Variants in SPOCK3 observed in about 807,000 individuals in gnomAD.
SPOCK3 encodes the protein SPARC (osteonectin), cwcv and kazal like domains proteoglycan 3.
A neutral mutation model predicts 56.6 loss-of-function variants in SPOCK3; 30 were observed. The observed-to-expected ratio is 0.53, with a 90% CI of 0.40 to 0.72. The LOEUF is 0.72. Ranked by LOEUF, SPOCK3 falls within the 30% of genes least tolerant of loss-of-function variation. The pLI is 0.00. For synonymous variants in SPOCK3, 196 were observed against 183.3 expected, an observed-to-expected ratio of 1.07 and a Z score of -0.56; for missense variants, 527 against 530.0, an observed-to-expected ratio of 0.99 and a Z score of 0.06.
At chr4:166,820,438 A>G (rs1273759767) in intron 6 of SPOCK3, among the ~76,000 whole-genome samples, 1 of 152,128 alleles carries the variant, frequency 6.6e-6, no homozygotes, top group Non-Finnish European at 1.5e-5. Flanking sequence ...GACAGTCTTG[A>G]TATAAATCCT....
At chr4:166,786,867 G>A (rs1021453100) in intron 7 of SPOCK3, among the ~76,000 whole-genome samples, 1 of 151,976 alleles carries the variant, frequency 6.6e-6, no homozygotes, top group Non-Finnish European at 1.5e-5. Context: ...GAAAAATCAC[G>A]TATCTAAGAC....
intron 3 of SPOCK3, among the ~76,000 whole-genome samples, chr4:167,037,868 T>C (rs1162899224): frequency 2.6e-5 from 4 of 152,248 alleles, no homozygotes; most frequent in Non-Finnish European, 4.4e-5. Flanking sequence ...AGTACATGTC[T>C]AGCTTTTGAG....
intron 4 of SPOCK3, among the ~76,000 whole-genome samples, chr4:166,953,045 A>T (rs373370300): frequency 2.0e-5 from 3 of 150,604 alleles, no homozygotes; most frequent in East Asian, 2.0e-4. Flanking sequence ...ATGTCTAAAA[A>T]ACCAAAAGCA....
intron 4 of SPOCK3, among the ~76,000 whole-genome samples, chr4:166,941,382 A>G (rs1579728311): frequency 6.6e-6 from 1 of 152,238 alleles, no homozygotes; most frequent in East Asian, 1.9e-4. Flanking sequence ...CCATTAGAAG[A>G]GAGTTTATCT....
At chr4:167,023,928 C>T (rs1751443138) in intron 3 of SPOCK3, among the ~76,000 whole-genome samples, 1 of 152,014 alleles carries the variant, frequency 6.6e-6, no homozygotes, top group Non-Finnish European at 1.5e-5. Flanking sequence ...CCTCCTTGCC[C>T]TCTACAAAGT....
intron 5 of SPOCK3, 25 bp from the exon 6 acceptor site, chr4:166,889,269 T>G (rs766303948): frequency 7.3e-7 from 1 of 1,372,570 alleles, no homozygotes; most frequent in South Asian, 1.2e-5. Flanking sequence ...AAAAAAAAAG[T>G]AATTCAAATG....
chr4:167,130,360 T>C (rs919383376), intron 2 of SPOCK3, among the ~76,000 whole-genome samples: 1 of 152,086 alleles, frequency 6.6e-6, no homozygotes, highest in Non-Finnish European at 1.5e-5. Flanking sequence ...AGTTTTTTTA[T>C]TTACTGGAAA....
intron 6 of SPOCK3, among the ~76,000 whole-genome samples, chr4:166,807,913 G>A (rs978484465): frequency 6.6e-6 from 1 of 151,960 alleles, no homozygotes; most frequent in African/African-American, 2.4e-5. Flanking sequence ...TACTAGTTTT[G>A]ATAGCATGTC....
chr4:166,792,376 G>A, intron 6 of SPOCK3, 87 bp from the exon 7 acceptor site: 4 of 1,411,756 alleles, frequency 2.8e-6, no homozygotes, highest in South Asian at 1.3e-5. Flanking sequence ...TAAACTGAAA[G>A]GTAAGAACGA....
At chr4:167,212,927 CA>C (rs1735020079) in intron 2 of SPOCK3, among the ~76,000 whole-genome samples, 1 of 152,114 alleles carries the variant, frequency 6.6e-6, no homozygotes, top group Non-Finnish European at 1.5e-5. Flanking sequence ...TGACAAAATA[CA>C]AAACAAATGA....
intron 7 of SPOCK3, among the ~76,000 whole-genome samples, chr4:166,778,895 GA>G (rs574664049): frequency 6.6e-6 from 1 of 151,934 alleles, no homozygotes; most frequent in Non-Finnish European, 1.5e-5. Context: ...AACACTGGTA[GA>G]AAAAAATGCA....
intron 7 of SPOCK3, among the ~76,000 whole-genome samples, chr4:166,783,354 G>A (rs1740384297): frequency 2.0e-5 from 3 of 151,792 alleles, no homozygotes; most frequent in Admixed American, 6.6e-5. Context: ...ACGAGAGTCT[G>A]TCTAAAAAAA....
rs186439710 is a variant in SPOCK3 at position 167,127,381 on chromosome 4, A to T, written c.190-64844T>A. Among the ~76,000 whole-genome samples, 1,489 of 152,218 alleles carry T rather than the reference A, an allele frequency of 9.8e-3. 15 individuals are homozygous for T. The highest frequency in any genetic ancestry group is 0.013 in the Non-Finnish European group (911 of 67,992). ...AACTACTTTTTTATATTACAGAAAA[A>T]AAAATAAGCCACCTAAAAGGTTGTT... On this transcript the variant is annotated intron_variant, in intron 2 of 10. Transcript: ENST00000357545.
At chr4:167,141,251 C>A (rs1205720968) in intron 2 of SPOCK3, among the ~76,000 whole-genome samples, 1 of 151,852 alleles carries the variant, frequency 6.6e-6, no homozygotes, top group Non-Finnish European at 1.5e-5. Context: ...GTTGTACAGT[C>A]ATAAAAAAAA....
chr4:167,216,021 T>G (rs556133483), intron 2 of SPOCK3, among the ~76,000 whole-genome samples: 13 of 152,268 alleles, frequency 8.5e-5, no homozygotes, highest in African/African-American at 2.9e-4. Flanking sequence ...AGAGTAATGT[T>G]AGAAATGACC....
At position 166,792,226 on chromosome 4, in the gene SPOCK3, T is replaced by C; in HGVS notation, c.653A>G (p.His218Arg). The change falls in exon 7 of 11, where the codon CAT (histidine) becomes CGT (arginine). Residue 218 changes from histidine to arginine, a missense_variant. Physicochemically the swap from His to Arg is conservative, Grantham distance 29 (BLOSUM62 0). Coordinates refer to ENST00000357545, the MANE Select transcript of SPOCK3 (RefSeq NM_001040159.2). The stretch of plus-strand genomic sequence containing the variant: ...CTTCTTGTTTTGACTTCCACTTTCA[T>C]GAAGGGCCTTGAACCAGTCCCGCAA... The part of the protein sequence containing the change: ...NRLRDWFKAL[H>R]ESGSQNKKTK... The C allele has an allele frequency of 2.5e-6, 4 of 1,613,960 alleles. No individual in the cohort carries two copies. The highest frequency in any genetic ancestry group is 2.5e-6 in the Non-Finnish European group (3 of 1,179,892).
intron 2 of SPOCK3, among the ~76,000 whole-genome samples, chr4:167,177,810 G>A (rs1359138055): frequency 1.3e-5 from 2 of 152,088 alleles, no homozygotes; most frequent in African/African-American, 4.8e-5. Flanking sequence ...CTTGTCTGAT[G>A]TTGATGTTCT....
intron 6 of SPOCK3, among the ~76,000 whole-genome samples, chr4:166,855,244 C>T (rs970636395): frequency 6.6e-6 from 1 of 152,008 alleles, no homozygotes; most frequent in Admixed American, 6.6e-5. Flanking sequence ...ATGATCTTGA[C>T]ATTTCATTGA....
chr4:166,752,311 C>A (rs367994370), intron 8 of SPOCK3, among the ~76,000 whole-genome samples: 32 of 152,210 alleles, frequency 2.1e-4, no homozygotes, highest in South Asian at 1.9e-3. Context: ...GCATGAGCAA[C>A]TGTGCCCAGC....
Sources: gnomAD v4.1 joint callset for allele counts (sites outside exome capture counted in the v4.1 genomes callset) on GRCh38, gnomAD v4.1.1 for gene constraint, MANE v1.5 for transcripts, NCBI Gene and HGNC (gene_info 2026-07-23, HGNC 2026-07-21) for gene names.